The following TPRG1 variants were observed in gnomAD, a reference collection of about 807,000 sequenced individuals.
TPRG1 encodes the protein tumor protein p63-regulated gene 1 protein.
In TPRG1, 29 loss-of-function variants were observed where a neutral mutation model predicts 29.3. The observed-to-expected ratio is 0.99, with a 90% CI of 0.74 to 1.35. The LOEUF is 1.35. TPRG1 is among the 40% of genes most tolerant of loss of function. TPRG1 has a pLI of 0.00. For missense variants in TPRG1, 327 were observed against 335.0 expected, an observed-to-expected ratio of 0.98 and a Z score of 0.19; for synonymous variants, 130 against 116.8, an observed-to-expected ratio of 1.11 and a Z score of -0.73.
rs61000016 is a variant in TPRG1, at chr3:189,078,057, T to TTTCTC, written c.-462-48999_-462-48998insTCTCT. On this transcript the variant is annotated intron_variant, in intron 4 of 10. Coordinates refer to the TPRG1 transcript ENST00000433971. ...CTTCCTTCCTTCCTTCCTTCCTTCCTTCCTTTCTCTCCTTTCTCTCTTTCT... is the reference window on the plus strand; with the variant it reads ...CTTCCTTCCTTCCTTCCTTCCTTCCTTTCTCTCCTTTCTCTCCTTTCTCTCTTTCT... Among the ~76,000 whole-genome samples the TTTCTC allele has an allele frequency of 5.5e-3, 784 of 143,244 alleles. 8 individuals carry two copies. Among genetic ancestry groups the TTTCTC allele is most frequent in the African/African-American group, 0.021 (719 of 34,856 alleles). 94.0% of individuals were successfully genotyped at this position (143,244 alleles called of 152,430 possible). A position where few individuals can be genotyped will look rare whatever the true frequency, so the allele number is the denominator to read the frequency against.
At chr3:189,294,383 A>T (rs1007034612) in intron 4 of TPRG1, among the ~76,000 whole-genome samples, 3 of 152,118 alleles carry the variant, frequency 2.0e-5, no homozygotes, top group African/African-American at 7.2e-5. Context: ...TTGCCATATA[A>T]ATCATATATA....
intron 4 of TPRG1, among the ~76,000 whole-genome samples, chr3:189,245,470 A>G (rs1345716673): frequency 6.6e-6 from 1 of 152,116 alleles, no homozygotes. Context: ...CCATGGATGC[A>G]TTGTAAGTTG....
intron 4 of TPRG1, among the ~76,000 whole-genome samples, chr3:189,285,896 G>A (rs1457139299): frequency 6.6e-6 from 1 of 151,818 alleles, no homozygotes; most frequent in Non-Finnish European, 1.5e-5. Context: ...TTTTTTCTGA[G>A]TACAATATTT....
intron 4 of TPRG1, among the ~76,000 whole-genome samples, chr3:189,291,542 C>T (rs149500013): frequency 6.6e-6 from 1 of 152,234 alleles, no homozygotes. Context: ...ATTTATGTGT[C>T]ACACCAATGA....
intron 3 of TPRG1, among the ~76,000 whole-genome samples, chr3:189,016,890 A>T (rs1007109100): frequency 6.6e-6 from 1 of 152,102 alleles, no homozygotes; most frequent in Non-Finnish European, 1.5e-5. Context: ...TTTTCTTCAT[A>T]AATTACTCAG....
chr3:189,220,442 CTTTTA>C (rs1490155940), intron 3 of TPRG1, among the ~76,000 whole-genome samples: 2 of 152,026 alleles, frequency 1.3e-5, no homozygotes, highest in Non-Finnish European at 2.9e-5. Context: ...TTATTTTTAA[CTTTTA>C]TTTTAAGTTC....
intron 1 of TPRG1, among the ~76,000 whole-genome samples, chr3:189,190,761 C>G (rs1441708320): frequency 6.6e-6 from 1 of 152,164 alleles, no homozygotes; most frequent in African/African-American, 2.4e-5. Flanking sequence ...GGTATGATTA[C>G]AACATACATG....
At chr3:189,087,285 G>T (rs1418832677) in intron 4 of TPRG1, among the ~76,000 whole-genome samples, 7 of 152,162 alleles carry the variant, frequency 4.6e-5, no homozygotes, top group Non-Finnish European at 8.8e-5. Flanking sequence ...TCCTGTGTCT[G>T]TTGGCTGCAT....
chr3:189,102,619 C>A (rs552047737), intron 1 of TPRG1, among the ~76,000 whole-genome samples: 64 of 152,294 alleles, frequency 4.2e-4, no homozygotes, highest in African/African-American at 1.5e-3. Context: ...TGGAATCCCT[C>A]CCTGTTCCTA....
chr3:189,211,002 G>A (rs1314983820), intron 2 of TPRG1, among the ~76,000 whole-genome samples: 5 of 152,132 alleles, frequency 3.3e-5, no homozygotes, highest in South Asian at 2.1e-4. Context: ...ATTAGAAAAT[G>A]TAAATAAGCA....
At chr3:189,109,764 G>T (rs1290308536) in intron 1 of TPRG1, among the ~76,000 whole-genome samples, 3 of 152,010 alleles carry the variant, frequency 2.0e-5, no homozygotes, top group African/African-American at 4.8e-5. Flanking sequence ...ACCCAGTCTT[G>T]TAACAACCAC....
intron 2 of TPRG1, 93 bp from the exon 3 acceptor site, chr3:189,215,199 T>C: frequency 9.8e-7 from 1 of 1,020,428 alleles, no homozygotes; most frequent in Non-Finnish European, 1.4e-6. Context: ...TGTGACCAGC[T>C]TTCCGGAGGA....
chr3:189,117,070 G>C (rs1421014807), intron 1 of TPRG1, among the ~76,000 whole-genome samples: 1 of 152,074 alleles, frequency 6.6e-6, no homozygotes, highest in Non-Finnish European at 1.5e-5. Context: ...TTACTTTAAG[G>C]ATGTCTCTTT....
chr3:189,268,970 A>G (rs571271645), intron 4 of TPRG1, among the ~76,000 whole-genome samples: 1 of 152,292 alleles, frequency 6.6e-6, no homozygotes, highest in East Asian at 1.9e-4. Flanking sequence ...TTTCTCTATG[A>G]CGAGAACCCT....
intron 1 of TPRG1, among the ~76,000 whole-genome samples, chr3:189,104,035 T>C (rs145682979): frequency 6.4e-4 from 98 of 152,188 alleles, no homozygotes; most frequent in African/African-American, 2.3e-3. Flanking sequence ...TAGTGATACT[T>C]ATGGATAGAC....
intron 3 of TPRG1, among the ~76,000 whole-genome samples, chr3:189,146,281 A>G (rs1312118509): frequency 1.3e-5 from 2 of 152,214 alleles, no homozygotes; most frequent in Admixed American, 6.5e-5. Context: ...GCCAAAGGAT[A>G]AAGATGTGAC....
chr3:189,219,169 A>G (rs961894151), intron 3 of TPRG1, among the ~76,000 whole-genome samples: 3 of 152,210 alleles, frequency 2.0e-5, no homozygotes, highest in African/African-American at 7.2e-5. Context: ...TGGTAAAGCC[A>G]TTTTCCAAGG....
At position 189,296,807 on chromosome 3, in the gene TPRG1, A is replaced by G. The variant is rs574699188; in HGVS notation, c.480-13579A>G. Among the ~76,000 whole-genome samples, 11 of 152,320 alleles carry G rather than the reference A, an allele frequency of 7.2e-5. No individual in the cohort carries two copies. In the South Asian group the frequency reaches 2.1e-3, roughly 29 times the overall value. On this transcript the variant is annotated intron_variant, in intron 4 of 5. Transcript: ENST00000345063. The stretch of plus-strand genomic sequence containing the variant: ...GGAGATTATATGATAAAAGTGTTGT[A>G]TCACTGTAAACATTTGAATAATCTT...
intron 1 of TPRG1, among the ~76,000 whole-genome samples, chr3:189,178,895 C>G (rs1729847870): frequency 6.6e-6 from 1 of 152,184 alleles, no homozygotes; most frequent in Admixed American, 6.5e-5. Context: ...GATTTTACAT[C>G]AAATGGAGGA....
Sources: allele counts gnomAD v4.1 joint callset (sites outside exome capture counted in the v4.1 genomes callset), GRCh38; gene constraint gnomAD v4.1.1; transcripts MANE v1.5; gene names NCBI Gene and HGNC (gene_info 2026-07-23, HGNC 2026-07-21).